ENOX1: variants seen among roughly 807,000 people sequenced by gnomAD.
ENOX1 encodes the protein candidate growth-related and time keeping constitutive hydroquinone (NADH) oxidase.
ENOX1 carries 42 observed loss-of-function variants against 82.5 expected under a neutral mutation model. The observed-to-expected ratio is 0.51, with a 90% CI of 0.40 to 0.66. The LOEUF (loss-of-function observed/expected upper bound fraction) is 0.66, where lower values mean the gene tolerates loss of function less well. Among genes scored for constraint, ENOX1 ranks in the 30% least tolerant of loss-of-function variants. ENOX1 has a pLI of 0.00. For synonymous variants in ENOX1, 271 were observed against 282.2 expected, an observed-to-expected ratio of 0.96 and a Z score of 0.40; for missense variants, 608 against 811.6, an observed-to-expected ratio of 0.75 and a Z score of 3.05.
intron 3 of ENOX1, among the ~76,000 whole-genome samples, chr13:43,422,837 A>G (rs2055055910): frequency 6.6e-6 from 1 of 152,206 alleles, no homozygotes; most frequent in Admixed American, 6.5e-5. Context: ...TCTCAGGAAA[A>G]CTTTGCTTTT....
At chr13:43,398,918 C>T (rs2053322949) in intron 5 of ENOX1, among the ~76,000 whole-genome samples, 1 of 151,384 alleles carries the variant, frequency 6.6e-6, no homozygotes, top group South Asian at 2.1e-4. Flanking sequence ...GCCTCAGCCT[C>T]CTGAGTAGCT....
At position 43,359,834 on chromosome 13, in the gene ENOX1, T is replaced by A; in HGVS notation, c.589+17A>T. ...ATAACAAAATGCCTAGAAAACTCCT[T>A]ATGTAATGCAAAGTACCAGAAAGGT... On this transcript the variant is annotated intron_variant, in intron 7 of 16. Transcript: ENST00000690772. 1 of 1,610,358 alleles carries A rather than the reference T, an allele frequency of 6.2e-7. No individual in the cohort carries two copies.
rs1393805860 is a variant in ENOX1 at position 43,712,288 on chromosome 13, T to A, written c.-284-44744A>T. ...TCTGTTCCATTGATCTATATCTCTG[T>A]TTTGGTACCAGTACCATGCTGTTTT... On this transcript the variant is annotated intron_variant, in intron 1 of 16. Coordinates refer to ENST00000690772, the MANE Select transcript of ENOX1 (RefSeq NM_001347969.2). Among the ~76,000 whole-genome samples the A allele has an allele frequency of 4.8e-3, 720 of 150,208 alleles. 3 individuals are homozygous for A. Among genetic ancestry groups the A allele is most frequent in the African/African-American group, 0.017 (685 of 41,242 alleles).
chr13:43,626,826 A>G (rs2153749034), intron 2 of ENOX1, among the ~76,000 whole-genome samples: 2 of 151,992 alleles, frequency 1.3e-5, no homozygotes, highest in South Asian at 4.1e-4. Flanking sequence ...GTTTTGTGAG[A>G]TATTCTATAT....
chr13:43,374,232 C>G (rs1335580609), intron 5 of ENOX1, among the ~76,000 whole-genome samples: 2 of 146,916 alleles, frequency 1.4e-5, no homozygotes, highest in Non-Finnish European at 3.0e-5. Flanking sequence ...CTTAATCTTT[C>G]TTTTATCTTT....
intron 2 of ENOX1, among the ~76,000 whole-genome samples, chr13:43,662,461 C>T (rs2084782105): frequency 6.6e-6 from 1 of 152,168 alleles, no homozygotes; most frequent in Admixed American, 6.6e-5. Context: ...GAATGGCTTT[C>T]TAAGTATCTT....
intron 2 of ENOX1, among the ~76,000 whole-genome samples, chr13:43,557,836 G>C (rs1335657296): frequency 3.9e-5 from 6 of 152,062 alleles, no homozygotes. Flanking sequence ...TCATTTTGTG[G>C]TTGTAAGTAC....
intron 7 of ENOX1, among the ~76,000 whole-genome samples, chr13:43,356,931 C>A (rs1039586217): frequency 7.2e-5 from 11 of 151,954 alleles, no homozygotes; most frequent in African/African-American, 2.7e-4. Flanking sequence ...CAGAGCTAGA[C>A]AAAGAAAAAA....
chr13:43,755,912 T>C (rs2153833251), intron 1 of ENOX1, among the ~76,000 whole-genome samples: 1 of 152,306 alleles, frequency 6.6e-6, no homozygotes, highest in Middle Eastern at 3.4e-3. Context: ...CCATGGTTCA[T>C]TACCAAGATG....
chr13:43,535,517 CA>C, intron 2 of ENOX1, among the ~76,000 whole-genome samples: 1 of 152,246 alleles, frequency 6.6e-6, no homozygotes, highest in East Asian at 1.9e-4. Flanking sequence ...CACTTTGTAG[CA>C]AAGAGTTACT....
intron 11 of ENOX1, among the ~76,000 whole-genome samples, chr13:43,302,767 A>C (rs2046651417): frequency 6.6e-6 from 1 of 152,196 alleles, no homozygotes; most frequent in Non-Finnish European, 1.5e-5. Flanking sequence ...ATGGGAACAG[A>C]TAATGCCATG....
At chr13:43,508,648 TGG>T (rs1312254813) in intron 2 of ENOX1, among the ~76,000 whole-genome samples, 1 of 152,002 alleles carries the variant, frequency 6.6e-6, no homozygotes, top group African/African-American at 2.4e-5. Flanking sequence ...ATTTTAGCAA[TGG>T]GGAGCTGCTA....
intron 5 of ENOX1, among the ~76,000 whole-genome samples, chr13:43,366,282 C>CTT (rs71671308): frequency 3.6e-4 from 53 of 148,942 alleles, no homozygotes; most frequent in South Asian, 1.3e-3. Flanking sequence ...GGCTGACCAG[C>CTT]TTTTTTTTTT....
At chr13:43,533,936 G>T (rs1166906367) in intron 2 of ENOX1, among the ~76,000 whole-genome samples, 1 of 152,094 alleles carries the variant, frequency 6.6e-6, no homozygotes, top group Admixed American at 6.6e-5. Context: ...AGAACTAAAT[G>T]ACAGTACAGC....
At chr13:43,318,558 G>T (rs991236910) in intron 11 of ENOX1, among the ~76,000 whole-genome samples, 25 of 152,214 alleles carry the variant, frequency 1.6e-4, no homozygotes, top group African/African-American at 5.8e-4. Context: ...GTTTGAACAT[G>T]CCTCTTTAAT....
intron 1 of ENOX1, among the ~76,000 whole-genome samples, chr13:43,694,917 A>G (rs1399811508): frequency 6.6e-6 from 1 of 152,340 alleles, no homozygotes; most frequent in East Asian, 1.9e-4. Context: ...ATTTTGTCTA[A>G]GAAATTAAGG....
intron 12 of ENOX1, among the ~76,000 whole-genome samples, chr13:43,278,560 T>C (rs2045195094): frequency 6.6e-6 from 1 of 152,356 alleles, no homozygotes; most frequent in African/African-American, 2.4e-5. Context: ...ATGTGAAATA[T>C]GTTTACGTTT....
At chr13:43,495,357 A>G (rs1193895905) in intron 2 of ENOX1, among the ~76,000 whole-genome samples, 1 of 152,122 alleles carries the variant, frequency 6.6e-6, no homozygotes, top group Non-Finnish European at 1.5e-5. Context: ...TGAAATTTCA[A>G]TGTCTATCAC....
chr13:43,317,745 C>T (rs61951891), intron 11 of ENOX1, among the ~76,000 whole-genome samples: 45,513 of 151,096 alleles, frequency 0.3, 7,251 homozygotes, highest in Middle Eastern at 0.52. Context: ...GTGGCTCATG[C>T]CTGTAATCCC....
Sources: allele counts gnomAD v4.1 joint callset (sites outside exome capture counted in the v4.1 genomes callset), GRCh38; gene constraint gnomAD v4.1.1; transcripts MANE v1.5; gene names NCBI Gene and HGNC (gene_info 2026-07-23, HGNC 2026-07-21).